NUP214: variants seen among roughly 807,000 people sequenced by gnomAD.
The protein encoded by NUP214 is nucleoporin 214, also known as nuclear pore complex protein Nup214.
NUP214 carries 79 observed loss-of-function variants against 196.2 expected under a neutral mutation model. The ratio of observed to expected loss-of-function variants is 0.40; its 90% CI spans 0.34 to 0.49. The LOEUF (loss-of-function observed/expected upper bound fraction) is 0.49. NUP214 is among the 20% of genes least tolerant of loss of function. The probability of loss-of-function intolerance (pLI) is 0.58; values close to 1 mark genes in which losing one functional copy is unlikely to be tolerated. For synonymous variants in NUP214, 1,020 were observed against 990.5 expected (o/e 1.03, Z -0.56); for missense variants, 2,468 against 2,539.0 (o/e 0.97, Z 0.60).
At chr9:131,194,728 T>C (rs947611914) in intron 27 of NUP214, among the ~76,000 whole-genome samples, 2 of 152,336 alleles carry the variant, frequency 1.3e-5, no homozygotes, top group Non-Finnish European at 2.9e-5. Flanking sequence ...GAGTTAGGGC[T>C]TCTATTTCAT....
At chr9:131,193,209 C>T (rs1344598191) in intron 27 of NUP214, among the ~76,000 whole-genome samples, 3 of 151,804 alleles carry the variant, frequency 2.0e-5, no homozygotes, top group African/African-American at 4.9e-5. Context: ...GCCCTGAGCG[C>T]TCATGTTGAA....
chr9:131,187,469 C>A lies in NUP214; in HGVS notation c.3495+105C>A, dbSNP rs113364756. On this transcript the variant is annotated intron_variant, in intron 25 of 35. Coordinates refer to ENST00000359428, the MANE Select transcript of NUP214 (RefSeq NM_005085.4). ...TGGTGCGATCTTGGCTCACCGCAAC[C>A]TCTGCCTCCTGGGTTCAAGTGATTC... 5,562 of 785,380 alleles carry A rather than the reference C, an allele frequency of 7.1e-3. 32 individuals carry two copies. The highest frequency in any genetic ancestry group is 0.028 in the Middle Eastern group (81 of 2,874). 48.7% of individuals were successfully genotyped at this position (785,380 alleles called of 1,614,324 possible). A position where few individuals can be genotyped will look rare whatever the true frequency, so the allele number is the denominator to read the frequency against.
chr9:131,162,471 G>A (rs954864177), intron 18 of NUP214, among the ~76,000 whole-genome samples: 1 of 152,198 alleles, frequency 6.6e-6, no homozygotes, highest in African/African-American at 2.4e-5. Context: ...CCCAGAGGCA[G>A]CTACTGTTGT....
intron 30 of NUP214, among the ~76,000 whole-genome samples, chr9:131,212,584 G>T (rs1396924651): frequency 6.6e-6 from 1 of 152,160 alleles, no homozygotes; most frequent in Non-Finnish European, 1.5e-5. Flanking sequence ...AATATCGGGG[G>T]CTGGTTCCCC....
chr9:131,214,036 G>A (rs1294064725), intron 30 of NUP214, among the ~76,000 whole-genome samples: 2 of 152,148 alleles, frequency 1.3e-5, no homozygotes, highest in African/African-American at 4.8e-5. Context: ...CTGCTGTGTG[G>A]ACGTAGACTG....
intron 17 of NUP214, among the ~76,000 whole-genome samples, chr9:131,156,523 G>A (rs1357484135): frequency 6.6e-6 from 1 of 151,126 alleles, no homozygotes; most frequent in Non-Finnish European, 1.5e-5. Flanking sequence ...TCCTTGTAGA[G>A]GTCTTTTGCC....
intron 31 of NUP214, among the ~76,000 whole-genome samples, chr9:131,220,342 A>G (rs1159601718): frequency 1.3e-5 from 2 of 152,372 alleles, no homozygotes; most frequent in South Asian, 2.1e-4. Context: ...CATTGTTGAC[A>G]TTAGAAACAG....
At chr9:131,160,299 A>G (rs1832590698) in intron 18 of NUP214, among the ~76,000 whole-genome samples, 1 of 152,242 alleles carries the variant, frequency 6.6e-6, no homozygotes, top group African/African-American at 2.4e-5. Context: ...AAATATTCGT[A>G]GTTATATCTG....
At chr9:131,216,059 C>T (rs909497814) in intron 31 of NUP214, among the ~76,000 whole-genome samples, 24 of 151,670 alleles carry the variant, frequency 1.6e-4, no homozygotes, top group Non-Finnish European at 2.9e-4. Context: ...CGTGCTATCA[C>T]GCCTGGCTGA....
intron 30 of NUP214, among the ~76,000 whole-genome samples, chr9:131,206,538 G>A (rs1270224866): frequency 6.6e-6 from 1 of 151,932 alleles, no homozygotes; most frequent in African/African-American, 2.4e-5. Flanking sequence ...TTGATCTCCT[G>A]GGCTCAAGCA....
At chr9:131,167,807 C>G (rs550943494) in intron 21 of NUP214, among the ~76,000 whole-genome samples, 1 of 152,248 alleles carries the variant, frequency 6.6e-6, no homozygotes, top group South Asian at 2.1e-4. Flanking sequence ...GGAGACCAGC[C>G]TTTGTTGGTT....
chr9:131,201,066 G>A (rs1296768785), intron 29 of NUP214, among the ~76,000 whole-genome samples: 1 of 149,034 alleles, frequency 6.7e-6, no homozygotes, highest in African/African-American at 2.5e-5. Flanking sequence ...ATGAAAAATG[G>A]TCTTTAAAGT....
intron 24 of NUP214, 126 bp downstream of exon 24, chr9:131,178,536 G>A: frequency 3.0e-6 from 2 of 660,796 alleles, no homozygotes; most frequent in South Asian, 3.8e-5. Context: ...TTATAAGGGG[G>A]GTGGCGGCTA....
chr9:131,223,351 G>T (rs1191723813), intron 32 of NUP214, among the ~76,000 whole-genome samples: 1 of 151,950 alleles, frequency 6.6e-6, no homozygotes, highest in Non-Finnish European at 1.5e-5. Context: ...ATTTTTAGGA[G>T]AGATGAGGTT....
intron 30 of NUP214, among the ~76,000 whole-genome samples, chr9:131,204,517 C>T (rs147010221): frequency 3.9e-4 from 60 of 152,250 alleles, no homozygotes; most frequent in African/African-American, 1.3e-3. Flanking sequence ...AATATGTAAA[C>T]GAATGCGCAT....
intron 27 of NUP214, among the ~76,000 whole-genome samples, chr9:131,193,086 AAATAAT>A (rs566646970): frequency 6.6e-6 from 1 of 152,062 alleles, no homozygotes; most frequent in Non-Finnish European, 1.5e-5. Context: ...TTTCTTTAAA[AAATAAT>A]AATAATAATG....
chr9:131,164,248 GTGTA>G (rs1221331430), intron 21 of NUP214, 104 bp downstream of exon 21: 8 of 920,152 alleles, frequency 8.7e-6, no homozygotes, highest in African/African-American at 3.3e-5. Context: ...CTAGGGTGCT[GTGTA>G]TGTGTGTGTA....
intron 11 of NUP214, among the ~76,000 whole-genome samples, 157 bp downstream of exon 11, chr9:131,140,867 T>G (rs1831889191): frequency 6.6e-6 from 1 of 152,186 alleles, no homozygotes; most frequent in Non-Finnish European, 1.5e-5. Context: ...TAAACATGCA[T>G]GTACATATTT....
At chr9:131,151,642 G>C (rs963296746) in intron 16 of NUP214, 94 bp from the exon 17 acceptor site, 1 of 896,966 alleles carries the variant, frequency 1.1e-6, no homozygotes, top group South Asian at 1.8e-5. Context: ...ATTCTGTTCA[G>C]TGAGCGTTTG....
Sources: allele counts gnomAD v4.1 joint callset (sites outside exome capture counted in the v4.1 genomes callset), GRCh38; gene constraint gnomAD v4.1.1; transcripts MANE v1.5; gene names NCBI Gene and HGNC (gene_info 2026-07-23, HGNC 2026-07-21).